Variants in PADI4 observed in about 807,000 individuals in gnomAD.
PADI4 encodes peptidyl arginine deiminase 4.
A neutral mutation model predicts 75.0 loss-of-function variants in PADI4; 62 were observed. That is an observed-to-expected ratio of 0.83 (90% confidence interval 0.67 to 1.02). PADI4 has a LOEUF of 1.02. PADI4 is among the 50% of genes least tolerant of loss of function. The pLI is 0.00. For synonymous variants in PADI4, 361 were observed against 348.1 expected (o/e 1.04, Z -0.41); for missense variants, 845 against 850.5 (o/e 0.99, Z 0.08).
intron 1 of PADI4, among the ~76,000 whole-genome samples, chr1:17,319,528 A>AAG (rs1270443086): frequency 6.6e-6 from 1 of 152,134 alleles, no homozygotes; most frequent in Non-Finnish European, 1.5e-5. Context: ...TGCTTAAAAA[A>AAG]AGAGAGAGAG....
chr1:17,338,144 T>C lies in PADI4; in HGVS notation c.515T>C (p.Leu172Pro). The part of the protein sequence containing the change: ...SAMDCEDDEV[L>P]DSEDLQDMSL... ...ATGGACTGCGAGGATGATGAAGTGC[T>C]TGACAGCGAAGGTAAAGAGCATTTG... Residue 172 changes from leucine to proline, a missense_variant, in exon 5 of 16, where the codon CTT becomes CCT. Physicochemically the swap from Leu to Pro is moderately conservative, Grantham distance 98. Coordinates refer to ENST00000375448, the MANE Select transcript of PADI4 (RefSeq NM_012387.3). 1 of 1,606,692 alleles carries C rather than the reference T, an allele frequency of 6.2e-7. No homozygotes were observed. The highest frequency in any genetic ancestry group is 8.5e-7 in the Non-Finnish European group (1 of 1,173,468).
At chr1:17,343,332 C>A (rs1425269752) in intron 8 of PADI4, among the ~76,000 whole-genome samples, 2 of 152,202 alleles carry the variant, frequency 1.3e-5, no homozygotes, top group East Asian at 3.8e-4. Flanking sequence ...GAGGCCCAGG[C>A]AATCTTCCTG....
rs1185022731 is a variant in PADI4 at position 17,346,697 on chromosome 1, C to A, written c.1047+558C>A. On this transcript the variant is annotated intron_variant, in intron 9 of 15. Coordinates refer to ENST00000375448, the MANE Select transcript of PADI4 (RefSeq NM_012387.3). This position sits in a 1 kb window ranked among gnomAD's most constrained non-coding sequence, Gnocchi z 4.3. ...AGGACTGAGACTGGGCCTCATCCAG[C>A]CTAGCACCCTGACCCTCCCCACCAC... 6.6e-6 allele frequency among the ~76,000 whole-genome samples: 1 copy of A among 152,150 alleles called. No individual in the cohort carries two copies. The highest frequency in any genetic ancestry group is 2.4e-5 in the African/African-American group (1 of 41,434).
chr1:17,344,075 A>G (rs1406016901), intron 8 of PADI4, among the ~76,000 whole-genome samples: 3 of 152,180 alleles, frequency 2.0e-5, no homozygotes, highest in Non-Finnish European at 4.4e-5. Context: ...AAATACTGAT[A>G]ATGATATGAA....
intron 7 of PADI4, 30 bp downstream of exon 7, chr1:17,342,151 G>A: frequency 1.9e-6 from 3 of 1,605,224 alleles, no homozygotes; most frequent in Non-Finnish European, 2.6e-6. Context: ...CTGCATCGGG[G>A]GCCTGGGCTT....
Position 17,339,788 on chromosome 1 carries a change from C to A in PADI4, c.627C>A (p.Asp209Glu). The change falls in exon 6 of 16, where the codon GAC (aspartate) becomes GAA (glutamate). Residue 209 changes from aspartate (D) to glutamate (E), a missense_variant. Physicochemically the swap from Asp to Glu is conservative, Grantham distance 45. Coordinates refer to ENST00000375448, the MANE Select transcript of PADI4 (RefSeq NM_012387.3). Reference sequence around the variant, plus strand: ...TCCACGTGGCCAGGTCTGAGATGGACAAAGTGAGGGTGTTTCAGGCCACAC... The same window carrying A: ...TCCACGTGGCCAGGTCTGAGATGGAAAAAGTGAGGGTGTTTCAGGCCACAC... ...LVLHVARSEM[D>E]KVRVFQATRG... is the part of the protein sequence containing the mutation. 2 of 1,611,410 alleles carry A rather than the reference C, an allele frequency of 1.2e-6. No homozygotes were observed. The highest frequency in any genetic ancestry group is 2.2e-5 in the East Asian group (1 of 44,770).
At chr1:17,311,032 C>A (rs1331863886) in intron 1 of PADI4, among the ~76,000 whole-genome samples, 1 of 150,594 alleles carries the variant, frequency 6.6e-6, no homozygotes, top group East Asian at 2.0e-4. Flanking sequence ...AGGAGGCGGA[C>A]GCTGCAGTGA....
rs2074410995 is a variant in PADI4 at position 17,341,109 on chromosome 1, T to TC, written c.653-834_653-833insC. ...ATGCCCAGCCTCTGTTTCTTTTTTT[T>TC]TTTTTTTTGAGATGGAGTCTCTCTC... On this transcript the variant is annotated intron_variant, in intron 6 of 15. Coordinates refer to ENST00000375448, the MANE Select transcript of PADI4 (RefSeq NM_012387.3). Among the ~76,000 whole-genome samples the TC allele has an allele frequency of 2.0e-5, 3 of 150,452 alleles. No individual in the cohort carries two copies. In the South Asian group the frequency reaches 6.4e-4, roughly 32 times the overall value.
chr1:17,319,787 C>T lies in PADI4; in HGVS notation c.93-11182C>T, dbSNP rs896685579. 3.9e-5 allele frequency among the ~76,000 whole-genome samples: 6 copies of T among 152,162 alleles called. No homozygotes were observed. In the East Asian group the frequency reaches 7.7e-4, roughly 20 times the overall value. ...AGAAACAGCTGGATTGACTACAGCT[C>T]GGCATCGGCCTCATTTGAACATGGT... On this transcript the variant is annotated intron_variant, in intron 1 of 15. Transcript: ENST00000375448.
chr1:17,340,036 T>A (rs2074387188), intron 6 of PADI4, among the ~76,000 whole-genome samples: 1 of 127,526 alleles, frequency 7.8e-6, no homozygotes, highest in East Asian at 2.3e-4. Context: ...TTTCTCTCTC[T>A]CTCACACACG....
intron 1 of PADI4, among the ~76,000 whole-genome samples, chr1:17,330,001 G>C (rs11203365): frequency 1.3e-5 from 2 of 151,928 alleles, no homozygotes; most frequent in Non-Finnish European, 2.9e-5. Context: ...TGTTTCTTAA[G>C]AGGAAGGTCC....
intron 8 of PADI4, among the ~76,000 whole-genome samples, chr1:17,342,613 T>A (rs2100743912): frequency 6.6e-6 from 1 of 152,266 alleles, no homozygotes; most frequent in South Asian, 2.1e-4. Context: ...CTACGTTAAC[T>A]CCCAGGGGCC....
At position 17,362,351 on chromosome 1, in the gene PADI4, CAAA is replaced by C. The variant is rs34897407; in HGVS notation, c.1759-1150_1759-1148del. ...CTGGGTGAAGAGTAAGACCCTGTCT[CAAA>C]AAAAAAAAAAAAAAAAAAAATTAAA... On this transcript the variant is annotated intron_variant, in intron 15 of 15. Transcript: ENST00000375448. Among the ~76,000 whole-genome samples the C allele has an allele frequency of 8.5e-3, 907 of 107,318 alleles. 7 individuals carry two copies. The highest frequency in any genetic ancestry group is 0.021 in the African/African-American group (573 of 27,560). 70.4% of individuals were successfully genotyped at this position (107,318 alleles called of 152,430 possible). A position where few individuals can be genotyped will look rare whatever the true frequency, so the allele number is the denominator to read the frequency against.
intron 1 of PADI4, among the ~76,000 whole-genome samples, chr1:17,319,444 C>T (rs1557542226): frequency 1.3e-5 from 2 of 152,210 alleles, no homozygotes; most frequent in South Asian, 2.1e-4. Flanking sequence ...TGGCATGTAC[C>T]TGTGGTCCCA....
intron 1 of PADI4, among the ~76,000 whole-genome samples, chr1:17,312,460 C>A (rs1185266345): frequency 9.5e-3 from 1,046 of 110,038 alleles, no homozygotes; most frequent in African/African-American, 0.011. Context: ...AACTCCGCCT[C>A]AAAAAAAAAA....
chr1:17,352,614 TGA>T (rs1557578160), intron 10 of PADI4, among the ~76,000 whole-genome samples: 1 of 152,070 alleles, frequency 6.6e-6, no homozygotes, highest in East Asian at 1.9e-4. Context: ...ACCCCCGCTA[TGA>T]GAGAGGCAAG....
At chr1:17,363,438 A>T in intron 15 of PADI4, 84 bp from the exon 16 acceptor site, 5 of 904,744 alleles carry the variant, frequency 5.5e-6, no homozygotes, top group Non-Finnish European at 8.8e-6. Context: ...ATTATTTCCA[A>T]AGGTCAGAGA....
chr1:17,316,415 C>A (rs1439581494), intron 1 of PADI4, among the ~76,000 whole-genome samples: 1 of 145,042 alleles, frequency 6.9e-6, no homozygotes, highest in Non-Finnish European at 1.5e-5. Flanking sequence ...AATAGCCAGG[C>A]GCGGTGGCTC....
At chr1:17,323,410 C>T (rs184256113) in intron 1 of PADI4, among the ~76,000 whole-genome samples, 8 of 152,298 alleles carry the variant, frequency 5.3e-5, no homozygotes, top group Admixed American at 3.9e-4. Flanking sequence ...ACAGCAGAGA[C>T]GGGAATTACT....
Sources: gnomAD v4.1 joint callset for allele counts (sites outside exome capture counted in the v4.1 genomes callset) on GRCh38, gnomAD v4.1.1 for gene constraint, Gnocchi (gnomAD v3.1) non-coding constraint, MANE v1.5 for transcripts, NCBI Gene and HGNC (gene_info 2026-07-23, HGNC 2026-07-21) for gene names.